ZNF678: variants seen among roughly 807,000 people sequenced by gnomAD.
The protein encoded by ZNF678 is zinc finger protein 678.
A neutral mutation model predicts 3.0 loss-of-function variants in ZNF678; 5 were observed. The observed-to-expected ratio is 1.69, with a 90% CI of 0.88 to 3.56. ZNF678 has a LOEUF of 3.56. Ranked by LOEUF, ZNF678 falls within the 30% of genes most tolerant of loss-of-function variation. The probability of loss-of-function intolerance (pLI) is 0.00; values close to 1 mark genes in which losing one functional copy is unlikely to be tolerated. For synonymous variants in ZNF678, 218 were observed against 199.6 expected (o/e 1.09, Z -0.78); for missense variants, 593 against 605.0 (o/e 0.98, Z 0.21).
intron 1 of ZNF678, among the ~76,000 whole-genome samples, chr1:227,584,139 T>C (rs1298877905): frequency 6.6e-6 from 1 of 152,176 alleles, no homozygotes; most frequent in Non-Finnish European, 1.5e-5. Flanking sequence ...GAATTAACAT[T>C]TTGTTGCAGA....
intron 1 of ZNF678, among the ~76,000 whole-genome samples, chr1:227,571,654 C>G (rs981944323): frequency 6.6e-6 from 1 of 151,666 alleles, no homozygotes; most frequent in Non-Finnish European, 1.5e-5. Context: ...GCAAATACAC[C>G]GAATAATAGT....
At position 227,655,384 on chromosome 1, in the gene ZNF678, A is replaced by G. The variant is rs1274366555; in HGVS notation, c.1134A>G (p.Lys378=). The change falls in exon 4 of 4, where the codon AAA becomes AAG. Residue 378 remains lysine (K), a synonymous_variant. Coordinates refer to ENST00000343776, the MANE Select transcript of ZNF678 (RefSeq NM_001367909.1). ...TTCATACTGGAGAGAAACCCTACAA[A>G]TGCAAAGAATGTGGCAAAGCGTTTA... ...KRIHTGEKPY[K]CKECGKAFNK... 6.2e-7 allele frequency: 1 copy of G among 1,612,664 alleles called. No homozygotes were observed. Among genetic ancestry groups the G allele is most frequent in the Admixed American group, 1.7e-5 (1 of 59,836 alleles).
rs146992642 is a variant in ZNF678 at position 227,628,687 on chromosome 1, C to T, written c.-163-17857C>T. The stretch of plus-strand genomic sequence containing the variant: ...TTGGAAACCTTGTAGCCACAGGTGG[C>T]GAGGAAGTTTAAGAGCACTTGGTTG... On this transcript the variant is annotated intron_variant, in intron 1 of 3. Transcript: ENST00000343776. Among the ~76,000 whole-genome samples the T allele has an allele frequency of 3.4e-3, 522 of 152,292 alleles. 13 individuals are homozygous for T. Among genetic ancestry groups the T allele is most frequent in the South Asian group, 0.029 (140 of 4,824 alleles).
At chr1:227,619,444 C>T (rs1046449177) in intron 1 of ZNF678, among the ~76,000 whole-genome samples, 14 of 152,100 alleles carry the variant, frequency 9.2e-5, no homozygotes, top group Non-Finnish European at 1.6e-4. Context: ...TGGGACGGAG[C>T]CTCGAACTTA....
intron 1 of ZNF678, among the ~76,000 whole-genome samples, chr1:227,619,451 C>T (rs1397719321): frequency 6.6e-6 from 1 of 152,114 alleles, no homozygotes; most frequent in African/African-American, 2.4e-5. Context: ...GAGCCTCGAA[C>T]TTATGGAGTC....
chr1:227,621,186 C>T (rs1271571118), intron 1 of ZNF678, among the ~76,000 whole-genome samples: 1 of 152,172 alleles, frequency 6.6e-6, no homozygotes, highest in African/African-American at 2.4e-5. Context: ...ATCGAGGTTG[C>T]AGTCAGCTGT....
chr1:227,618,919 G>T (rs1207476620), intron 1 of ZNF678, among the ~76,000 whole-genome samples: 1 of 151,416 alleles, frequency 6.6e-6, no homozygotes, highest in Non-Finnish European at 1.5e-5. Context: ...TCCCATGGCT[G>T]GGGGGGCCTC....
chr1:227,617,129 G>A (rs1658161451), intron 1 of ZNF678, among the ~76,000 whole-genome samples: 1 of 152,188 alleles, frequency 6.6e-6, no homozygotes. Context: ...CTTTTCTTTT[G>A]ATAGAAAGTT....
chr1:227,583,352 C>CTTT (rs796974595), intron 1 of ZNF678, among the ~76,000 whole-genome samples: 6 of 131,906 alleles, frequency 4.5e-5, no homozygotes, highest in Admixed American at 1.5e-4. Flanking sequence ...TTTCTTTTTT[C>CTTT]TTTTTTTTTT....
chr1:227,622,285 A>G (rs973380151), intron 1 of ZNF678, among the ~76,000 whole-genome samples: 1 of 152,258 alleles, frequency 6.6e-6, no homozygotes, highest in Non-Finnish European at 1.5e-5. Context: ...TCTTTCCAAC[A>G]ATTGCCAATA....
chr1:227,671,368 G>T (rs1659599458), intron 5 of ZNF678, among the ~76,000 whole-genome samples: 1 of 151,578 alleles, frequency 6.6e-6, no homozygotes, highest in African/African-American at 2.4e-5. Flanking sequence ...TTGCAATTCT[G>T]CCCTATTTGC....
intron 1 of ZNF678, among the ~76,000 whole-genome samples, chr1:227,594,816 A>G (rs1657519609): frequency 2.0e-5 from 3 of 152,186 alleles, no homozygotes; most frequent in Non-Finnish European, 4.4e-5. Context: ...AGTTTACCAT[A>G]TAATACTCTT....
At chr1:227,665,458 TA>T (rs918603355), downstream of ZNF678, among the ~76,000 whole-genome samples, 2 of 152,216 alleles carry the variant, frequency 1.3e-5, no homozygotes, top group Non-Finnish European at 2.9e-5. Flanking sequence ...ATATCACTTA[TA>T]TTTCACCTCA....
chr1:227,608,979 G>A (rs2935151), intron 1 of ZNF678, among the ~76,000 whole-genome samples: 2,828 of 152,154 alleles, frequency 0.019, 86 homozygotes, highest in African/African-American at 0.065. Context: ...TTCCAAATTA[G>A]AATTTATAAG....
intron 1 of ZNF678, among the ~76,000 whole-genome samples, chr1:227,582,024 TTA>T (rs1232746513): frequency 6.6e-6 from 1 of 152,208 alleles, no homozygotes; most frequent in Non-Finnish European, 1.5e-5. Context: ...TGATGTCATT[TTA>T]TATGTTTAAT....
chr1:227,574,101 C>G (rs1208795545), intron 1 of ZNF678, among the ~76,000 whole-genome samples: 5 of 152,152 alleles, frequency 3.3e-5, no homozygotes, highest in African/African-American at 1.2e-4. Context: ...GACTCCATGT[C>G]TTTGCAATTG....
In ZNF678 at chr1:227,646,531, T is replaced by TCC. The variant is rs543399918; in HGVS notation, c.-163-13_-163-12insCC. ...ACATTTTGTAAATACGTGTGTATTT[T>TCC]TCCCCCCCCCAGGGACTACTGGCAT... is the stretch of plus-strand genomic sequence containing the variant. On this transcript the variant is annotated splice_polypyrimidine_tract_variant and intron_variant, in intron 1 of 3. Coordinates refer to ENST00000343776, the MANE Select transcript of ZNF678 (RefSeq NM_001367909.1). The TCC allele has an allele frequency of 2.0e-5, 27 of 1,330,214 alleles. No individual in the cohort carries two copies. The African/African-American group carries it at 4.5e-4, about 22-fold the overall frequency. The allele number at this position is 1,330,214 out of a possible 1,614,324, so 82.4% of individuals were successfully genotyped here. A position where few individuals can be genotyped will look rare whatever the true frequency, so the allele number is the denominator to read the frequency against.
chr1:227,654,582 T>C lies in ZNF678; in HGVS notation c.332T>C (p.Ile111Thr). The part of the protein sequence containing the change: ...ECGRNFSWRS[I>T]LTEHKRIHTG... ...GGCAGAAATTTTAGCTGGAGGTCAA[T>C]CCTTACTGAACATAAGAGAATTCAT... The change falls in exon 4 of 4, where the codon ATC becomes ACC. Residue 111 changes from isoleucine (I) to threonine (T), a missense_variant. Coordinates refer to ENST00000343776, the MANE Select transcript of ZNF678 (RefSeq NM_001367909.1). 6.2e-7 allele frequency: 1 copy of C among 1,613,358 alleles called. No homozygotes were observed. Among genetic ancestry groups the C allele is most frequent in the Non-Finnish European group, 8.5e-7 (1 of 1,179,562 alleles).
At chr1:227,614,466 C>T (rs1044939774) in intron 1 of ZNF678, among the ~76,000 whole-genome samples, 32 of 152,214 alleles carry the variant, frequency 2.1e-4, no homozygotes, top group African/African-American at 7.5e-4. Flanking sequence ...AATATCACTG[C>T]TTGCTTGACC....
Sources: gnomAD v4.1 joint callset for allele counts (sites outside exome capture counted in the v4.1 genomes callset) on GRCh38, gnomAD v4.1.1 for gene constraint, MANE v1.5 for transcripts, NCBI Gene and HGNC (gene_info 2026-07-23, HGNC 2026-07-21) for gene names.